The following USH2A variants were observed in gnomAD, a reference collection of about 807,000 sequenced individuals.
The protein encoded by USH2A is Usher syndrome 2A (autosomal recessive, mild).
In USH2A, 443 loss-of-function variants were observed where a neutral mutation model predicts 538.9. The observed-to-expected ratio is 0.82, with a 90% CI of 0.76 to 0.89. USH2A has a LOEUF of 0.89. Among genes scored for constraint, USH2A ranks in the 40% least tolerant of loss-of-function variants. The pLI is 0.00. For synonymous variants in USH2A, 2,413 were observed against 2,273.5 expected, an observed-to-expected ratio of 1.06 and a Z score of -1.75; for missense variants, 6,633 against 6,324.8, an observed-to-expected ratio of 1.05 and a Z score of -1.65.
chr1:216,289,336 TG>T lies in USH2A; in HGVS notation c.1914del (p.Cys638Ter). 6.2e-7 allele frequency: 1 copy of T among 1,614,024 alleles called. No individual in the cohort carries two copies. Among genetic ancestry groups the T allele is most frequent in the Non-Finnish European group, 8.5e-7 (1 of 1,179,870 alleles). Reference sequence around the variant, plus strand: ...CCAACTGTATCACAGTCACAGGGTTTGCAAACATCTATGGCCGAAGGATCTG... The same window carrying T: ...CCAACTGTATCACAGTCACAGGGTTTCAAACATCTATGGCCGAAGGATCTG... The part of the protein sequence containing the change: ...VGADPSAIDV[C>X]KPCDCDTVGT... On this transcript the variant is annotated frameshift_variant, in exon 11 of 72. Transcript: ENST00000307340. LOFTEE classifies it high-confidence loss of function.
chr1:215,758,650 T>C lies in USH2A; in HGVS notation c.11334A>G (p.Pro3778=), dbSNP rs780407547. ...AAGGCCCAATTACTGTGATATTATA[T>C]GGAGGATAGATTTCTTCTGGTGTTG... is the stretch of plus-strand genomic sequence containing the variant. ...PMSTPEEIYP[P]YNITVIGPYS... The change falls in exon 58 of 72, where the codon CCA becomes CCG. Residue 3778 remains proline, a synonymous_variant. Coordinates refer to ENST00000307340, the MANE Select transcript of USH2A (RefSeq NM_206933.4). 5.0e-6 allele frequency: 8 copies of C among 1,613,760 alleles called. No homozygotes were observed. Among genetic ancestry groups the C allele is most frequent in the Non-Finnish European group, 4.2e-6 (5 of 1,179,882 alleles).
intron 13 of USH2A, among the ~76,000 whole-genome samples, chr1:216,240,318 A>G (rs1053182039): frequency 6.6e-6 from 1 of 152,186 alleles, no homozygotes; most frequent in African/African-American, 2.4e-5. Flanking sequence ...GTAAACAGGC[A>G]TTATGTGAAA....
intron 32 of USH2A, among the ~76,000 whole-genome samples, chr1:216,002,082 C>T (rs1668276940): frequency 6.6e-6 from 1 of 152,078 alleles, no homozygotes; most frequent in South Asian, 2.1e-4. Flanking sequence ...GAGATGGCAG[C>T]AACAGTCGCA....
At chr1:216,164,285 G>A (rs1312976586) in intron 21 of USH2A, among the ~76,000 whole-genome samples, 1 of 152,114 alleles carries the variant, frequency 6.6e-6, no homozygotes, top group African/African-American at 2.4e-5. Flanking sequence ...GAGAAACCTA[G>A]TGAGAAATAT....
intron 3 of USH2A, among the ~76,000 whole-genome samples, chr1:216,379,453 C>CAA (rs200210124): frequency 7.1e-6 from 1 of 141,752 alleles, no homozygotes; most frequent in Admixed American, 7.1e-5. Flanking sequence ...CTTTCTCCAG[C>CAA]AAAAAAAAAA....
Position 216,269,038 on chromosome 1 carries a change from G to A in USH2A, c.1972-17940C>T, listed in dbSNP as rs186510829. Among the ~76,000 whole-genome samples, 280 of 152,004 alleles carry A rather than the reference G, an allele frequency of 1.8e-3. 2 individuals are homozygous for A. The highest frequency in any genetic ancestry group is 6.4e-3 in the African/African-American group (266 of 41,480). ...AAGCTCCATAGTGGCAGGAATTTTC[G>A]TCATTTTATTATTTGTGAAAATACA... On this transcript the variant is annotated intron_variant, in intron 11 of 71. Transcript: ENST00000307340.
In USH2A at chr1:216,106,271, C is replaced by A. The variant is rs192453226; in HGVS notation, c.4628-9058G>T. 5.5e-3 allele frequency among the ~76,000 whole-genome samples: 803 copies of A among 146,846 alleles called. 12 individuals carry two copies. The highest frequency in any genetic ancestry group is 0.017 in the African/African-American group (701 of 40,366). On this transcript the variant is annotated intron_variant, in intron 21 of 71. Transcript: ENST00000307340. ...ATATTTTGCCTGTTTTACGGCCCAG[C>A]ATATTAGCTGTAGAATATTTGTAGT... is the stretch of plus-strand genomic sequence containing the variant.
chr1:215,894,644 C>T (rs1665280779), intron 40 of USH2A, among the ~76,000 whole-genome samples: 1 of 152,160 alleles, frequency 6.6e-6, no homozygotes, highest in South Asian at 2.1e-4. Flanking sequence ...ATTCGTTAAC[C>T]TAGCCAAGAC....
intron 29 of USH2A, among the ~76,000 whole-genome samples, chr1:216,071,125 C>T (rs2031544149): frequency 1.3e-5 from 2 of 152,136 alleles, no homozygotes; most frequent in Admixed American, 1.3e-4. Context: ...AACTCCGTGG[C>T]AGGATGATGG....
intron 4 of USH2A, among the ~76,000 whole-genome samples, chr1:216,353,719 T>C (rs574702860): frequency 1.3e-5 from 2 of 152,198 alleles, no homozygotes; most frequent in Non-Finnish European, 2.9e-5. Context: ...AATTAGATGT[T>C]GTTATAATAG....
At chr1:216,086,466 T>G (rs943573760) in intron 24 of USH2A, among the ~76,000 whole-genome samples, 1 of 152,152 alleles carries the variant, frequency 6.6e-6, no homozygotes, top group African/African-American at 2.4e-5. Context: ...CTGAAATTAT[T>G]ATAATTCATT....
chr1:216,217,648 G>A lies in USH2A; in HGVS notation c.2994-98C>T, dbSNP rs1048829661. On this transcript the variant is annotated intron_variant, in intron 14 of 71. Coordinates refer to ENST00000307340, the MANE Select transcript of USH2A (RefSeq NM_206933.4). ...ACCAATAGCATTGTAGAGTAAGACG[G>A]CTTGTTTTAGCCAATATATTGAAAA... 5 of 1,389,444 alleles carry A rather than the reference G, an allele frequency of 3.6e-6. No individual in the cohort carries two copies. In the South Asian group the frequency reaches 6.2e-5, roughly 17 times the overall value. The allele number at this position is 1,389,444 out of a possible 1,614,324, so 86.1% of individuals were successfully genotyped here.
chr1:216,151,133 A>T (rs2033823687), intron 21 of USH2A, among the ~76,000 whole-genome samples: 1 of 152,052 alleles, frequency 6.6e-6, no homozygotes, highest in Admixed American at 6.5e-5. Flanking sequence ...TTTCTCATAC[A>T]CCATGAAAAT....
chr1:216,195,572 A>G (rs1411578718), intron 19 of USH2A, among the ~76,000 whole-genome samples: 2 of 152,144 alleles, frequency 1.3e-5, no homozygotes, highest in African/African-American at 2.4e-5. Context: ...ACGTGTCTCA[A>G]GGTAAAATGT....
At chr1:215,840,339 A>G (rs1663644018) in intron 46 of USH2A, among the ~76,000 whole-genome samples, 1 of 152,142 alleles carries the variant, frequency 6.6e-6, no homozygotes, top group African/African-American at 2.4e-5. Flanking sequence ...TGACATCGTA[A>G]TGAAAATCAC....
intron 3 of USH2A, among the ~76,000 whole-genome samples, chr1:216,372,568 T>C (rs764481333): frequency 5.9e-5 from 9 of 152,124 alleles, no homozygotes; most frequent in Non-Finnish European, 1.3e-4. Context: ...GGAATGCAAG[T>C]AGATTTTTTT....
chr1:216,082,845 G>A (rs1039195677), intron 26 of USH2A, among the ~76,000 whole-genome samples: 10 of 152,062 alleles, frequency 6.6e-5, no homozygotes, highest in African/African-American at 2.4e-4. Context: ...CAGAAACAAT[G>A]TTGAGTGCTA....
chr1:215,850,743 T>C (rs1168379247), intron 44 of USH2A, among the ~76,000 whole-genome samples: 1 of 152,142 alleles, frequency 6.6e-6, no homozygotes, highest in Non-Finnish European at 1.5e-5. Context: ...AGAATATACA[T>C]TCTATTCATC....
At chr1:216,006,390 A>C (rs945549216) in intron 32 of USH2A, among the ~76,000 whole-genome samples, 4 of 152,062 alleles carry the variant, frequency 2.6e-5, no homozygotes, top group Middle Eastern at 3.2e-3. Context: ...TTCCCTCATC[A>C]ATGAAATTTG....
Sources: gnomAD v4.1 joint callset for allele counts (sites outside exome capture counted in the v4.1 genomes callset) on GRCh38, gnomAD v4.1.1 for gene constraint, MANE v1.5 for transcripts, NCBI Gene and HGNC (gene_info 2026-07-23, HGNC 2026-07-21) for gene names.